Variants in PLCG2 observed in about 807,000 individuals in gnomAD.
The protein encoded by PLCG2 is 1-phosphatidylinositol 4,5-bisphosphate phosphodiesterase gamma-2.
Under a neutral mutation model 175.6 loss-of-function variants are expected in PLCG2, and 69 were observed. The observed-to-expected ratio is 0.39, with a 90% CI of 0.32 to 0.48. The LOEUF is 0.48. PLCG2 is among the 20% of genes least tolerant of loss of function. PLCG2 has a pLI of 0.91. For missense variants in PLCG2, 1,798 were observed against 1,650.9 expected, an observed-to-expected ratio of 1.09 and a Z score of -1.54; for synonymous variants, 827 against 624.0, an observed-to-expected ratio of 1.33 and a Z score of -4.85.
intron 4 of PLCG2, 120 bp downstream of exon 4, chr16:81,858,476 T>A: frequency 1.4e-6 from 1 of 738,632 alleles, no homozygotes; most frequent in Non-Finnish European, 2.5e-6. Context: ...TTGAGGCTCG[T>A]TGAGTGTCTT....
intron 2 of PLCG2, among the ~76,000 whole-genome samples, chr16:81,799,886 C>T (rs1911646388): frequency 6.6e-6 from 1 of 152,180 alleles, no homozygotes; most frequent in Non-Finnish European, 1.5e-5. Context: ...AACCACTGAG[C>T]CCAGCCTGTT....
intron 22 of PLCG2, among the ~76,000 whole-genome samples, chr16:81,926,509 T>G (rs561767591): frequency 2.0e-5 from 3 of 152,350 alleles, no homozygotes; most frequent in Non-Finnish European, 2.9e-5. Flanking sequence ...GGAACAATGT[T>G]TTAGCTGAAT....
At chr16:81,787,118 C>G (rs924481989) in intron 2 of PLCG2, among the ~76,000 whole-genome samples, 1 of 152,242 alleles carries the variant, frequency 6.6e-6, no homozygotes, top group Non-Finnish European at 1.5e-5. Context: ...TGTAATGGCA[C>G]AGGCCTCAAT....
At chr16:81,762,641 A>G (rs998051489) in intron 2 of PLCG2, among the ~76,000 whole-genome samples, 1 of 152,164 alleles carries the variant, frequency 6.6e-6, no homozygotes, top group East Asian at 1.9e-4. Context: ...TAGATGAAAC[A>G]GAATCATTAG....
chr16:81,896,704 C>T (rs548239677), intron 13 of PLCG2, among the ~76,000 whole-genome samples: 13 of 152,318 alleles, frequency 8.5e-5, no homozygotes, highest in South Asian at 2.1e-4. Flanking sequence ...TTTCTACAGG[C>T]GGAATCCAAG....
chr16:81,855,054 A>G (rs1906613552), intron 3 of PLCG2, among the ~76,000 whole-genome samples: 1 of 151,944 alleles, frequency 6.6e-6, no homozygotes, highest in South Asian at 2.1e-4. Flanking sequence ...TACTAAAAAT[A>G]CAAAAACTAG....
At chr16:81,740,888 T>C (rs1443038296) in intron 1 of PLCG2, among the ~76,000 whole-genome samples, 1 of 152,176 alleles carries the variant, frequency 6.6e-6, no homozygotes, top group Non-Finnish European at 1.5e-5. Context: ...GAGGGTTCTC[T>C]TGAGTCCCTG....
chr16:81,741,495 A>G (rs996002464), intron 1 of PLCG2, among the ~76,000 whole-genome samples: 2 of 152,166 alleles, frequency 1.3e-5, no homozygotes. Context: ...ACAGAGTGAC[A>G]TTTTGATACA....
intron 1 of PLCG2, among the ~76,000 whole-genome samples, chr16:81,783,982 A>G (rs1331480705): frequency 6.6e-6 from 1 of 152,020 alleles, no homozygotes; most frequent in Non-Finnish European, 1.5e-5. Flanking sequence ...GCCTAGCCAC[A>G]CTCCAGATTA....
chr16:81,795,849 G>T (rs2143219930), intron 2 of PLCG2, among the ~76,000 whole-genome samples: 1 of 152,332 alleles, frequency 6.6e-6, no homozygotes, highest in East Asian at 1.9e-4. Context: ...ACAGGCATGG[G>T]CCACTGTGCC....
chr16:81,872,183 C>T (rs868225849), intron 7 of PLCG2, among the ~76,000 whole-genome samples: 6 of 152,084 alleles, frequency 3.9e-5, no homozygotes, highest in Non-Finnish European at 5.9e-5. Flanking sequence ...CAAAAATTAG[C>T]CAGGCATGGT....
intron 2 of PLCG2, among the ~76,000 whole-genome samples, chr16:81,844,725 A>G (rs183410173): frequency 8.0e-4 from 122 of 152,356 alleles, no homozygotes; most frequent in Admixed American, 2.2e-3. Context: ...TTAATAAGTT[A>G]TAGTAGACAT....
chr16:81,812,138 C>G (rs1372641086), intron 2 of PLCG2, among the ~76,000 whole-genome samples: 2 of 149,792 alleles, frequency 1.3e-5, no homozygotes, highest in East Asian at 2.0e-4. Flanking sequence ...CAAGCTCCGC[C>G]TCCTGGGTTC....
At chr16:81,855,098 T>A (rs573707001) in intron 3 of PLCG2, among the ~76,000 whole-genome samples, 1 of 150,514 alleles carries the variant, frequency 6.6e-6, no homozygotes, top group East Asian at 2.0e-4. Flanking sequence ...TAGTCACAGC[T>A]ATTTGAAAGG....
Position 81,940,026 on chromosome 16 carries a change from C to G in PLCG2, c.3448C>G (p.His1150Asp). ...DMFSDPNFLA[H>D]ATYPIKAVKS... is the part of the protein sequence containing the mutation. ...GTTCAGCGATCCCAACTTTCTTGCT[C>G]ATGCCACTTACCCCATTAAAGCAGT... is the stretch of plus-strand genomic sequence containing the variant. Residue 1150 changes from histidine (H) to aspartate (D), a missense_variant, in exon 30 of 33, where the codon CAT becomes GAT. Transcript: ENST00000564138. 1 of 1,614,022 alleles carries G rather than the reference C, an allele frequency of 6.2e-7. No homozygotes were observed. Among genetic ancestry groups the G allele is most frequent in the Non-Finnish European group, 8.5e-7 (1 of 1,179,844 alleles).
intron 5 of PLCG2, among the ~76,000 whole-genome samples, chr16:81,860,824 A>G (rs1906942832): frequency 6.6e-6 from 1 of 152,116 alleles, no homozygotes; most frequent in African/African-American, 2.4e-5. Context: ...ACAAAAAATT[A>G]GCCAGGCATG....
intron 30 of PLCG2, among the ~76,000 whole-genome samples, chr16:81,942,623 C>A (rs1452345209): frequency 6.6e-6 from 1 of 152,112 alleles, no homozygotes; most frequent in Non-Finnish European, 1.5e-5. Context: ...TAAACTCTTT[C>A]TCTTTTAATC....
At chr16:81,914,458 G>T (rs181487860) in intron 19 of PLCG2, among the ~76,000 whole-genome samples, 17 of 152,348 alleles carry the variant, frequency 1.1e-4, no homozygotes, top group Non-Finnish European at 1.8e-4. Context: ...ATGGGACCGC[G>T]TGAATGAAGA....
chr16:81,869,160 CCTGTG>C, intron 5 of PLCG2, 49 bp from the exon 6 acceptor site: 1 of 1,352,802 alleles, frequency 7.4e-7, no homozygotes, highest in Non-Finnish European at 1.1e-6. Flanking sequence ...GCAGCTAAAT[CCTGTG>C]CTGTTGAAAA....
Sources: gnomAD v4.1 joint callset for allele counts (sites outside exome capture counted in the v4.1 genomes callset) on GRCh38, gnomAD v4.1.1 for gene constraint, MANE v1.5 for transcripts, NCBI Gene and HGNC (gene_info 2026-07-23, HGNC 2026-07-21) for gene names.